UMAD1: variants seen among roughly 807,000 people sequenced by gnomAD.
UMAD1 encodes UBAP1-MVB12-associated (UMA) domain containing 1, also known as UBAP1-MVB12-associated (UMA)-domain containing protein 1.
UMAD1 carries 8 observed loss-of-function variants against 6.1 expected under a neutral mutation model. That is an observed-to-expected ratio of 1.30 (90% CI 0.76 to 2.35). The LOEUF (loss-of-function observed/expected upper bound fraction) is 2.35, where lower values mean the gene tolerates loss of function less well. Among genes scored for constraint, UMAD1 ranks in the 30% most tolerant of loss-of-function variants. UMAD1 has a pLI of 0.00. For missense variants in UMAD1, 130 were observed against 78.4 expected, an observed-to-expected ratio of 1.66 and a Z score of -2.49; for synonymous variants, 56 against 31.4, an observed-to-expected ratio of 1.78 and a Z score of -2.61.
intron 3 of UMAD1, among the ~76,000 whole-genome samples, chr7:7,826,100 A>G (rs1176249968): frequency 6.6e-6 from 1 of 152,100 alleles, no homozygotes; most frequent in African/African-American, 2.4e-5. Context: ...GAATCCATGG[A>G]TATTGAACCT....
In UMAD1 at chr7:7,691,860, T is replaced by C. The variant is rs534545839; in HGVS notation, c.82+18407T>C. On this transcript the variant is annotated intron_variant, in intron 2 of 3. Transcript: ENST00000682710. Reference sequence around the variant, plus strand: ...CTGCCAAACAAAAGTCATGAAGATTTTTTAGTTAAAATTTTATCTGGCTAG... The same window carrying C: ...CTGCCAAACAAAAGTCATGAAGATTCTTTAGTTAAAATTTTATCTGGCTAG... 5.3e-5 allele frequency among the ~76,000 whole-genome samples: 8 copies of C among 152,328 alleles called. No individual in the cohort carries two copies. The South Asian group carries it at 1.7e-3, about 32-fold the overall frequency.
intron 2 of UMAD1, among the ~76,000 whole-genome samples, chr7:7,727,385 A>G (rs1393087731): frequency 6.6e-6 from 1 of 152,190 alleles, no homozygotes; most frequent in Non-Finnish European, 1.5e-5. Flanking sequence ...GGTTGTACAT[A>G]GCATAGTTGA....
intron 2 of UMAD1, among the ~76,000 whole-genome samples, chr7:7,758,612 G>T (rs1183364654): frequency 6.6e-6 from 1 of 152,126 alleles, no homozygotes; most frequent in Non-Finnish European, 1.5e-5. Flanking sequence ...ACCATATATG[G>T]TGTGTAGTTC....
At chr7:7,663,982 G>A (rs1779368108) in intron 1 of UMAD1, among the ~76,000 whole-genome samples, 1 of 152,156 alleles carries the variant, frequency 6.6e-6, no homozygotes, top group African/African-American at 2.4e-5. Flanking sequence ...ATTAGATTTA[G>A]GCTATTAATT....
At chr7:7,785,792 C>A (rs1416786912) in intron 2 of UMAD1, among the ~76,000 whole-genome samples, 1 of 152,084 alleles carries the variant, frequency 6.6e-6, no homozygotes, top group Non-Finnish European at 1.5e-5. Context: ...ATTGGTGATG[C>A]TTTTTCTTCC....
At chr7:7,764,415 G>C (rs1196776086) in intron 2 of UMAD1, among the ~76,000 whole-genome samples, 1 of 152,200 alleles carries the variant, frequency 6.6e-6, no homozygotes, top group East Asian at 1.9e-4. Context: ...CGGTTAAGTA[G>C]TAAGGCAATA....
At chr7:7,772,574 G>A (rs1400371685) in intron 2 of UMAD1, 1 of 152,160 alleles carries the variant, frequency 6.6e-6, no homozygotes, top group Admixed American at 6.5e-5. Flanking sequence ...TGTTTCCAGT[G>A]TACTGGAGGC....
intron 2 of UMAD1, among the ~76,000 whole-genome samples, chr7:7,766,329 T>C (rs1222658146): frequency 6.6e-6 from 1 of 152,212 alleles, no homozygotes; most frequent in African/African-American, 2.4e-5. Context: ...TATTAGGAAA[T>C]AAAACTTCTA....
intron 1 of UMAD1, among the ~76,000 whole-genome samples, chr7:7,655,201 C>T (rs1030627145): frequency 6.6e-6 from 1 of 152,022 alleles, no homozygotes; most frequent in African/African-American, 2.4e-5. Flanking sequence ...CAGACAGAGC[C>T]AGCCATTAAA....
chr7:7,801,649 G>A lies in UMAD1; in HGVS notation c.83-21G>A, dbSNP rs1277810627. ...GTAATATGGTCAAGTTTTAAAAATA[G>A]ACATATATTTTACTTCATAGGAGAT... On this transcript the variant is annotated intron_variant, in intron 2 of 3. Transcript: ENST00000682710. The A allele has an allele frequency of 9.8e-6, 7 of 713,462 alleles. No individual in the cohort carries two copies. The East Asian group carries it at 1.9e-4, about 19-fold the overall frequency. The allele number at this position is 713,462 out of a possible 1,614,324, so 44.2% of individuals were successfully genotyped here.
At chr7:7,672,539 C>T (rs976443675) in intron 1 of UMAD1, among the ~76,000 whole-genome samples, 1 of 152,074 alleles carries the variant, frequency 6.6e-6, no homozygotes, top group African/African-American at 2.4e-5. Context: ...GCCCATGTGT[C>T]GAGGGCAGGA....
At chr7:7,721,573 T>C (rs1304136847) in intron 2 of UMAD1, among the ~76,000 whole-genome samples, 2 of 152,200 alleles carry the variant, frequency 1.3e-5, no homozygotes, top group African/African-American at 4.8e-5. Context: ...ACTTTTGTCA[T>C]CAGCAGGAAC....
chr7:7,686,559 C>T (rs1397132690), intron 2 of UMAD1, among the ~76,000 whole-genome samples: 4 of 152,250 alleles, frequency 2.6e-5, no homozygotes, highest in East Asian at 1.9e-4. Context: ...AAGGCATGCA[C>T]GTATACTCAT....
intron 3 of UMAD1, among the ~76,000 whole-genome samples, chr7:7,849,481 G>A (rs1010749571): frequency 1.2e-4 from 19 of 152,142 alleles, no homozygotes; most frequent in African/African-American, 4.3e-4. Context: ...GTGGCCAAGA[G>A]CAAGACAGGT....
chr7:7,785,226 G>A (rs1369335374), intron 2 of UMAD1, among the ~76,000 whole-genome samples: 2 of 152,192 alleles, frequency 1.3e-5, no homozygotes, highest in Non-Finnish European at 2.9e-5. Flanking sequence ...TGGTTTGGGA[G>A]AAATGCAGTA....
chr7:7,856,808 G>C (rs1379023858), intron 3 of UMAD1, among the ~76,000 whole-genome samples: 1 of 152,094 alleles, frequency 6.6e-6, no homozygotes, highest in South Asian at 2.1e-4. Flanking sequence ...TACATATATT[G>C]ACCATACAGG....
chr7:7,688,358 T>C (rs948202787), intron 2 of UMAD1, among the ~76,000 whole-genome samples: 14 of 152,146 alleles, frequency 9.2e-5, no homozygotes, highest in African/African-American at 3.4e-4. Flanking sequence ...GAAAGTAGAA[T>C]GTGAGAACCT....
chr7:7,749,114 G>A (rs1781630475), intron 2 of UMAD1, among the ~76,000 whole-genome samples: 1 of 152,154 alleles, frequency 6.6e-6, no homozygotes, highest in African/African-American at 2.4e-5. Context: ...CTTGGTATTG[G>A]TGTTTTATAA....
intron 3 of UMAD1, among the ~76,000 whole-genome samples, chr7:7,828,914 G>A (rs1783404172): frequency 6.6e-6 from 1 of 152,154 alleles, no homozygotes; most frequent in Non-Finnish European, 1.5e-5. Context: ...ATGTGGTTAG[G>A]AGGTCATTGA....
Sources: allele counts gnomAD v4.1 joint callset (sites outside exome capture counted in the v4.1 genomes callset), GRCh38; gene constraint gnomAD v4.1.1; transcripts MANE v1.5; gene names NCBI Gene and HGNC (gene_info 2026-07-23, HGNC 2026-07-21).